The following RTCB variants were observed in gnomAD, a reference collection of about 807,000 sequenced individuals.
RTCB encodes RNA-splicing ligase RTCB.
A neutral mutation model predicts 58.2 loss-of-function variants in RTCB; 32 were observed. That is an observed-to-expected ratio of 0.55 (90% CI 0.41 to 0.74). RTCB has a LOEUF of 0.74. Ranked by LOEUF, RTCB falls within the 30% of genes least tolerant of loss-of-function variation. The pLI is 0.00. For missense variants in RTCB, 523 were observed against 639.0 expected (o/e 0.82, Z 1.96); for synonymous variants, 247 against 218.6 (o/e 1.13, Z -1.15).
chr22:32,399,870 G>A (rs1933306877), intron 5 of RTCB, 111 bp from the exon 6 acceptor site: 1 of 1,006,248 alleles, frequency 9.9e-7, no homozygotes, highest in Non-Finnish European at 1.4e-6. Context: ...TATCTCCTGT[G>A]TTCCAAGCCT....
chr22:32,411,546 C>T (rs1338766685), intron 1 of RTCB, among the ~76,000 whole-genome samples: 1 of 152,120 alleles, frequency 6.6e-6, no homozygotes, highest in Non-Finnish European at 1.5e-5. Flanking sequence ...CAGGCCCTGC[C>T]CTGCGCTACT....
intron 9 of RTCB, 112 bp from the exon 10 acceptor site, chr22:32,394,114 CTTTTT>C: frequency 1.9e-6 from 1 of 514,644 alleles, no homozygotes; most frequent in Non-Finnish European, 3.4e-6. Context: ...ACCCAGACTT[CTTTTT>C]TTTTTTTTTG....
At chr22:32,405,113 G>A (rs9609531) in intron 4 of RTCB, among the ~76,000 whole-genome samples, 18,875 of 152,052 alleles carry the variant, frequency 0.12, 1,572 homozygotes, top group Non-Finnish European at 0.19. Flanking sequence ...ATAATACTAA[G>A]ACATTATTTG....
intron 4 of RTCB, among the ~76,000 whole-genome samples, chr22:32,403,336 G>T (rs1933368591): frequency 6.6e-6 from 1 of 152,074 alleles, no homozygotes. Flanking sequence ...GAACCCAGAA[G>T]GCGGAGCTTG....
Position 32,387,957 on chromosome 22 carries a change from G to GT in RTCB, c.*34dup, listed in dbSNP as rs774485691. 1 of 1,333,398 alleles carries GT rather than the reference G, an allele frequency of 7.5e-7. No homozygotes were observed. Among genetic ancestry groups the GT allele is most frequent in the Non-Finnish European group, 1.1e-6 (1 of 925,062 alleles). The allele number at this position is 1,333,398 out of a possible 1,614,324, so 82.6% of individuals were successfully genotyped here. A position where few individuals can be genotyped will look rare whatever the true frequency, so the allele number is the denominator to read the frequency against. On this transcript the variant is annotated 3_prime_UTR_variant, in exon 12 of 12. Transcript: ENST00000216038. ...TCAGTCCACTTCCACTTCAGAGAGG[G>GT]TTGGTGGTGTCAGGCAGCCCTGCTG...
At chr22:32,411,094 T>A (rs1317468556) in intron 1 of RTCB, among the ~76,000 whole-genome samples, 1 of 152,184 alleles carries the variant, frequency 6.6e-6, no homozygotes, top group African/African-American at 2.4e-5. Flanking sequence ...CACAGATTTA[T>A]CCCCGTGCGC....
intron 8 of RTCB, among the ~76,000 whole-genome samples, chr22:32,395,660 A>G (rs1390949480): frequency 1.3e-5 from 2 of 152,234 alleles, no homozygotes; most frequent in African/African-American, 4.8e-5. Context: ...GTGAATTTCC[A>G]AAACCAAACA....
At chr22:32,403,771 T>G (rs531470150) in intron 4 of RTCB, among the ~76,000 whole-genome samples, 5 of 152,308 alleles carry the variant, frequency 3.3e-5, no homozygotes, top group Admixed American at 2.0e-4. Context: ...ATACAATACA[T>G]TATTATTAAC....
intron 4 of RTCB, among the ~76,000 whole-genome samples, chr22:32,403,506 G>A (rs1933372238): frequency 6.6e-6 from 1 of 152,062 alleles, no homozygotes. Context: ...ACCTATTTAT[G>A]ATCTCACAGT....
chr22:32,397,247 C>T (rs1933260741), intron 7 of RTCB, among the ~76,000 whole-genome samples: 1 of 152,204 alleles, frequency 6.6e-6, no homozygotes, highest in Admixed American at 6.5e-5. Flanking sequence ...TTCACACACC[C>T]TCCAAGCTAT....
intron 3 of RTCB, 192 bp downstream of exon 3, chr22:32,407,983 G>A: frequency 1.7e-6 from 1 of 589,138 alleles, no homozygotes; most frequent in Non-Finnish European, 3.1e-6. Context: ...TTGAATTCCT[G>A]GGCTCATGCA....
chr22:32,391,141 A>G (rs1265484705), intron 11 of RTCB, among the ~76,000 whole-genome samples: 1 of 152,214 alleles, frequency 6.6e-6, no homozygotes, highest in Admixed American at 6.5e-5. Context: ...ACAACTGGAA[A>G]AAACCTTCAT....
At chr22:32,401,131 T>C (rs190849188) in intron 5 of RTCB, among the ~76,000 whole-genome samples, 25 of 151,694 alleles carry the variant, frequency 1.6e-4, no homozygotes, top group African/African-American at 5.6e-4. Flanking sequence ...GGTCACTCTG[T>C]TGCCCACGCT....
At chr22:32,395,674 T>C (rs1043812791) in intron 8 of RTCB, among the ~76,000 whole-genome samples, 1 of 152,198 alleles carries the variant, frequency 6.6e-6, no homozygotes, top group African/African-American at 2.4e-5. Context: ...CCAAACACCA[T>C]AGGCTTTGAC....
chr22:32,395,282 A>C, intron 8 of RTCB, 68 bp from the exon 9 acceptor site: 5 of 1,363,780 alleles, frequency 3.7e-6, no homozygotes, highest in Non-Finnish European at 5.1e-6. Flanking sequence ...TTCGTGACTC[A>C]TCTCACTGGT....
At position 32,387,958 on chromosome 22, in the gene RTCB, T is replaced by C. The variant is rs753673555; in HGVS notation, c.*34A>G. ...CAGTCCACTTCCACTTCAGAGAGGG[T>C]TGGTGGTGTCAGGCAGCCCTGCTGT... On this transcript the variant is annotated 3_prime_UTR_variant, in exon 12 of 12. Coordinates refer to ENST00000216038, the MANE Select transcript of RTCB (RefSeq NM_014306.5). 3 of 1,336,250 alleles carry C rather than the reference T, an allele frequency of 2.2e-6. No individual in the cohort carries two copies. Among genetic ancestry groups the C allele is most frequent in the Non-Finnish European group, 3.2e-6 (3 of 927,670 alleles). The allele number at this position is 1,336,250 out of a possible 1,614,324, so 82.8% of individuals were successfully genotyped here.
chr22:32,398,414 T>G (rs559947601), intron 6 of RTCB, among the ~76,000 whole-genome samples: 2 of 151,920 alleles, frequency 1.3e-5, no homozygotes, highest in African/African-American at 2.4e-5. Flanking sequence ...TGAGAACACA[T>G]GGACACAGGG....
intron 11 of RTCB, 107 bp downstream of exon 11, chr22:32,392,133 C>T (rs1248149589): frequency 4.9e-6 from 6 of 1,218,836 alleles, no homozygotes; most frequent in Non-Finnish European, 6.7e-6. Flanking sequence ...AAAAAATAAC[C>T]CAAACAATTT....
intron 10 of RTCB, 142 bp from the exon 11 acceptor site, chr22:32,392,501 A>G: frequency 9.4e-7 from 1 of 1,066,976 alleles, no homozygotes; most frequent in Non-Finnish European, 1.4e-6. Context: ...AAACCTCATC[A>G]TATCCTTTTA....
Sources: gnomAD v4.1 joint callset for allele counts (sites outside exome capture counted in the v4.1 genomes callset) on GRCh38, gnomAD v4.1.1 for gene constraint, MANE v1.5 for transcripts, NCBI Gene and HGNC (gene_info 2026-07-23, HGNC 2026-07-21) for gene names.